The following HOMER2 variants were observed in gnomAD, a reference collection of about 807,000 sequenced individuals.
HOMER2 encodes the protein homer protein homolog 2.
A neutral mutation model predicts 47.0 loss-of-function variants in HOMER2; 27 were observed. The ratio of observed to expected loss-of-function variants is 0.57; its 90% CI spans 0.42 to 0.79. HOMER2 has a LOEUF of 0.79. Among genes scored for constraint, HOMER2 ranks in the 30% least tolerant of loss-of-function variants. HOMER2 has a pLI of 0.00. For synonymous variants in HOMER2, 161 were observed against 163.8 expected (o/e 0.98, Z 0.13); for missense variants, 443 against 435.0 (o/e 1.02, Z -0.16).
intron 1 of HOMER2, among the ~76,000 whole-genome samples, chr15:82,904,377 T>G (rs550747499): frequency 6.6e-6 from 1 of 152,282 alleles, no homozygotes; most frequent in African/African-American, 2.4e-5. Context: ...TCTCAAGAGT[T>G]AAAAACTCCA....
Position 82,849,541 on chromosome 15 carries a change from G to A in HOMER2, c.*174C>T. 1 of 604,976 alleles carries A rather than the reference G, an allele frequency of 1.7e-6. No individual in the cohort carries two copies. Among genetic ancestry groups the A allele is most frequent in the Non-Finnish European group, 2.9e-6 (1 of 346,164 alleles). 37.5% of individuals were successfully genotyped at this position (604,976 alleles called of 1,614,324 possible). A position where few individuals can be genotyped will look rare whatever the true frequency, so the allele number is the denominator to read the frequency against. On this transcript the variant is annotated 3_prime_UTR_variant, in exon 9 of 9. Transcript: ENST00000450735. ...TCCACAACCTCACAAGGCCAGAGAAGCGAGAGGAGATTTCTATTCTGAAAA... is the reference window on the plus strand; with the variant it reads ...TCCACAACCTCACAAGGCCAGAGAAACGAGAGGAGATTTCTATTCTGAAAA...
At chr15:82,851,371 A>G (rs1439557386) in intron 7 of HOMER2, 140 bp from the exon 8 acceptor site, 1 of 647,738 alleles carries the variant, frequency 1.5e-6, no homozygotes, top group African/African-American at 1.8e-5. Flanking sequence ...TGACCATGCG[A>G]ATACTTCATC....
At chr15:82,870,575 C>A (rs1894151084) in intron 3 of HOMER2, among the ~76,000 whole-genome samples, 1 of 152,174 alleles carries the variant, frequency 6.6e-6, no homozygotes, top group African/African-American at 2.4e-5. Context: ...GAAATTATCC[C>A]ATGTATTTAA....
intron 4 of HOMER2, among the ~76,000 whole-genome samples, chr15:82,860,886 G>A (rs532712980): frequency 1.1e-4 from 17 of 150,216 alleles, no homozygotes; most frequent in Non-Finnish European, 2.4e-4. Flanking sequence ...GCAGTGAGCC[G>A]AGATCACGCC....
intron 4 of HOMER2, among the ~76,000 whole-genome samples, chr15:82,863,450 G>A (rs987414537): frequency 1.3e-5 from 2 of 152,052 alleles, no homozygotes; most frequent in East Asian, 3.9e-4. Flanking sequence ...ACATCTCAAC[G>A]CCTCCGACAG....
intron 1 of HOMER2, among the ~76,000 whole-genome samples, chr15:82,949,589 GAGAA>G: frequency 6.6e-6 from 1 of 152,274 alleles, no homozygotes; most frequent in East Asian, 1.9e-4. Flanking sequence ...CAAATGGCAG[GAGAA>G]AGTGAATGGA....
At chr15:82,892,577 T>C (rs553219651) in intron 2 of HOMER2, 108 bp downstream of exon 2, 3 of 846,478 alleles carry the variant, frequency 3.5e-6, no homozygotes, top group South Asian at 7.0e-5. Context: ...GAATATGTTA[T>C]ACAGACATTA....
chr15:82,838,241 G>A (rs2051145840), exon 2 of HOMER2: 2 of 152,626 alleles, frequency 1.3e-5, no homozygotes, highest in African/African-American at 2.4e-5. Context: ...GCGGTAGAGT[G>A]AAGAGATGAC....
chr15:82,851,581 G>A (rs979615818), intron 7 of HOMER2, among the ~76,000 whole-genome samples: 1 of 152,202 alleles, frequency 6.6e-6, no homozygotes, highest in Non-Finnish European at 1.5e-5. Context: ...CTGTAGGCCA[G>A]GCATGGTGGC....
chr15:82,849,992 A>C, intron 8 of HOMER2, 89 bp from the exon 9 acceptor site: 10 of 1,365,254 alleles, frequency 7.3e-6, no homozygotes, highest in South Asian at 1.3e-5. Context: ...ACCATTCTCC[A>C]TCCAATCTGA....
exon 2 of HOMER2, chr15:82,839,235 G>C (rs1393908245): frequency 6.6e-6 from 1 of 152,208 alleles, no homozygotes; most frequent in African/African-American, 2.4e-5. Flanking sequence ...CTCATAGGTT[G>C]CCTTTGTGTG....
At chr15:82,875,861 G>T (rs76762385) in intron 2 of HOMER2, among the ~76,000 whole-genome samples, 126 of 152,316 alleles carry the variant, frequency 8.3e-4, no homozygotes, top group African/African-American at 2.6e-3. Flanking sequence ...ATTGAGGCCT[G>T]CTGCTTCCCA....
chr15:82,960,462 T>A (rs2054620778), intron 1 of HOMER2, among the ~76,000 whole-genome samples: 1 of 152,146 alleles, frequency 6.6e-6, no homozygotes, highest in Admixed American at 6.5e-5. Context: ...CCTGTGAGGA[T>A]GACAAAGTGG....
chr15:82,910,105 C>T (rs1206563388), intron 1 of HOMER2, among the ~76,000 whole-genome samples: 1 of 134,572 alleles, frequency 7.4e-6, no homozygotes, highest in Admixed American at 8.4e-5. Flanking sequence ...TGCACTCCAG[C>T]CTGGGTAACA....
intron 1 of HOMER2, among the ~76,000 whole-genome samples, chr15:82,964,401 G>C (rs1201801070): frequency 6.6e-6 from 1 of 152,228 alleles, no homozygotes; most frequent in East Asian, 1.9e-4. Context: ...TTTTAATTAA[G>C]CAACTGCTTA....
At chr15:82,836,580 G>C (rs1037524627), downstream of HOMER2, among the ~76,000 whole-genome samples, 12 of 152,220 alleles carry the variant, frequency 7.9e-5, no homozygotes, top group African/African-American at 2.9e-4. Flanking sequence ...GGTCTTCTCT[G>C]ACCTCTCTCT....
chr15:82,842,775 C>A (rs1326626851), exon 2 of HOMER2: 2 of 152,140 alleles, frequency 1.3e-5, no homozygotes, highest in African/African-American at 2.4e-5. Flanking sequence ...CTTATCCTGG[C>A]ACCCAACAGA....
chr15:82,903,187 G>C (rs1304640245), intron 1 of HOMER2, among the ~76,000 whole-genome samples: 2 of 152,192 alleles, frequency 1.3e-5, no homozygotes, highest in Non-Finnish European at 2.9e-5. Flanking sequence ...CAGGCACCTG[G>C]AGATGAGGGC....
At position 82,859,076 on chromosome 15, in the gene HOMER2, T is replaced by C. The variant is rs755515781; in HGVS notation, c.447A>G (p.Thr149=). Reference sequence around the variant, plus strand: ...GCTTGTCATTCTCAGACTTCAGGTGTGTGTTGGCTGGACCGGCGTGAGAGG... The same window carrying C: ...GCTTGTCATTCTCAGACTTCAGGTGCGTGTTGGCTGGACCGGCGTGAGAGG... The part of the protein sequence containing the change: ...EKASHAGPAN[T]HLKSENDKLK... Residue 149 remains threonine (T), a synonymous_variant, in exon 5 of 9, where the codon ACA becomes ACG. Coordinates refer to ENST00000450735, the MANE Select transcript of HOMER2 (RefSeq NM_004839.4). 3 of 1,614,006 alleles carry C rather than the reference T, an allele frequency of 1.9e-6. No individual in the cohort carries two copies. The highest frequency in any genetic ancestry group is 1.7e-6 in the Non-Finnish European group (2 of 1,179,878).
Sources: allele counts gnomAD v4.1 joint callset (sites outside exome capture counted in the v4.1 genomes callset), GRCh38; gene constraint gnomAD v4.1.1; transcripts MANE v1.5; gene names NCBI Gene and HGNC (gene_info 2026-07-23, HGNC 2026-07-21).